The following ADNP variants were observed in gnomAD, a reference collection of about 807,000 sequenced individuals.
ADNP encodes the protein activity-dependent neuroprotector homeobox protein.
A neutral mutation model predicts 84.9 loss-of-function variants in ADNP; 4 were observed. The ratio of observed to expected loss-of-function variants is 0.05; its 90% CI spans 0.02 to 0.11. The LOEUF is 0.11. Among genes scored for constraint, ADNP ranks in the 10% least tolerant of loss-of-function variants. The pLI, the probability that ADNP is intolerant of heterozygous loss-of-function variation, is 1.00. For missense variants in ADNP, 1,132 were observed against 1,326.0 expected, an observed-to-expected ratio of 0.85 and a Z score of 2.27; for synonymous variants, 554 against 468.1, an observed-to-expected ratio of 1.18 and a Z score of -2.37.
intron 5 of ADNP, among the ~76,000 whole-genome samples, chr20:50,900,605 CT>C (rs1399978070): frequency 2.0e-5 from 3 of 152,216 alleles, no homozygotes; most frequent in African/African-American, 7.2e-5. Context: ...TATGGGACCA[CT>C]GTCGTAGATG....
rs1361461233 is a variant in ADNP at position 50,892,605 on chromosome 20, G to C, written c.2109C>G (p.Pro703=). The C allele has an allele frequency of 1.9e-6, 3 of 1,614,108 alleles. No homozygotes were observed. Among genetic ancestry groups the C allele is most frequent in the Non-Finnish European group, 2.5e-6 (3 of 1,180,058 alleles). ...GACTTGGAGACTGATTAAGCCGAGA[G>C]GGTGCATTTGTCTTATCCTGGCCAT... ...TQNGQDKTNA[P]SRLNQSPSLA... is the part of the protein sequence containing the mutation. The change falls in exon 6 of 6, where the codon CCC becomes CCG. Residue 703 remains proline (P), a synonymous_variant. Transcript: ENST00000621696.
intron 4 of ADNP, 134 bp downstream of exon 4, chr20:50,903,755 G>A: frequency 3.0e-6 from 2 of 665,354 alleles, no homozygotes; most frequent in South Asian, 2.0e-5. Flanking sequence ...ATGCTATTGA[G>A]AATGTTTTCG....
Position 50,894,320 on chromosome 20 carries a change from T to C in ADNP, c.394A>G (p.Asn132Asp). The C allele has an allele frequency of 6.2e-7, 1 of 1,613,782 alleles. No homozygotes were observed. The highest frequency in any genetic ancestry group is 8.5e-7 in the Non-Finnish European group (1 of 1,179,938). Reference sequence around the variant, plus strand: ...AGGCTGCTACTTGGTGCGCTGGCGTTCGGAGCATGAAATATTTTAATGTGT... The same window carrying C: ...AGGCTGCTACTTGGTGCGCTGGCGTCCGGAGCATGAAATATTTTAATGTGT... ...ETHIKIFHAPNASAPSSSLST... is the reference protein window; with the variant it reads ...ETHIKIFHAPDASAPSSSLST... The change falls in exon 6 of 6, where the codon AAC becomes GAC. Residue 132 changes from asparagine to aspartate, a missense_variant. This residue lies in a region of ADNP where 130 missense variants were observed against 183.7 expected (regional missense o/e 0.71). Coordinates refer to ENST00000621696, the MANE Select transcript of ADNP (RefSeq NM_001282531.3).
intron 2 of ADNP, among the ~76,000 whole-genome samples, chr20:50,924,427 T>C (rs1413070713): frequency 1.3e-5 from 2 of 152,150 alleles, no homozygotes; most frequent in African/African-American, 4.8e-5. Context: ...GAAGCATTCA[T>C]GTGAGCCCCC....
chr20:50,911,322 A>G (rs2061095763), intron 2 of ADNP, among the ~76,000 whole-genome samples: 2 of 152,068 alleles, frequency 1.3e-5, no homozygotes, highest in South Asian at 4.1e-4. Context: ...AGGTTTCCCT[A>G]GTTTCAGGTC....
At chr20:50,924,408 G>A (rs1201038505) in intron 2 of ADNP, among the ~76,000 whole-genome samples, 1 of 152,172 alleles carries the variant, frequency 6.6e-6, no homozygotes, top group Non-Finnish European at 1.5e-5. Context: ...AAACCTCACT[G>A]TGAAATGGGA....
chr20:50,917,090 T>G (rs774367673), intron 2 of ADNP, among the ~76,000 whole-genome samples: 22 of 152,224 alleles, frequency 1.4e-4, no homozygotes, highest in Admixed American at 5.9e-4. Context: ...AGCTGGGTCT[T>G]GAAGCCACCC....
chr20:50,920,636 G>C (rs1193731671), intron 2 of ADNP, among the ~76,000 whole-genome samples: 1 of 151,732 alleles, frequency 6.6e-6, no homozygotes, highest in Non-Finnish European at 1.5e-5. Context: ...AATTACCTGA[G>C]GGACCTTACA....
chr20:50,925,804 C>CA (rs1023185210), intron 2 of ADNP, among the ~76,000 whole-genome samples: 1 of 152,166 alleles, frequency 6.6e-6, no homozygotes, highest in Non-Finnish European at 1.5e-5. Context: ...CAAGCTCTTA[C>CA]AAAACTAGGA....
chr20:50,928,411 G>C (rs1314605634), intron 2 of ADNP, among the ~76,000 whole-genome samples: 2 of 152,210 alleles, frequency 1.3e-5, no homozygotes, highest in African/African-American at 4.8e-5. Flanking sequence ...ACAAAGGGGT[G>C]TAGAATGCAA....
chr20:50,891,006 T>C lies in ADNP; in HGVS notation c.*399A>G. 1 of 1,007,078 alleles carries C rather than the reference T, an allele frequency of 9.9e-7. No individual in the cohort carries two copies. Among genetic ancestry groups the C allele is most frequent in the Non-Finnish European group, 1.2e-6 (1 of 844,866 alleles). The allele number at this position is 1,007,078 out of a possible 1,614,324, so 62.4% of individuals were successfully genotyped here. ...AAAAAAAATCGCTTTTCCCAAAGTC[T>C]ACTATACACATTAGACTGGTAGCTT... On this transcript the variant is annotated 3_prime_UTR_variant, in exon 6 of 6. Coordinates refer to ENST00000621696, the MANE Select transcript of ADNP (RefSeq NM_001282531.3).
chr20:50,893,168 A>G lies in ADNP; in HGVS notation c.1546T>C (p.Tyr516His). Residue 516 changes from tyrosine (Y) to histidine (H), a missense_variant, in exon 6 of 6, where the codon TAT becomes CAT. Coordinates refer to ENST00000621696, the MANE Select transcript of ADNP (RefSeq NM_001282531.3). This position sits in a 1 kb window ranked among gnomAD's most constrained non-coding sequence, Gnocchi z 4.4. ...HMLIHGLSCP[Y>H]CRSTFNDVEK... ...ACATCATTGAAAGTTGAACGGCAAT[A>G]TGGACAAGACAGACCATGAATTAAC... The G allele has an allele frequency of 6.2e-7, 1 of 1,614,278 alleles. No individual in the cohort carries two copies. Among genetic ancestry groups the G allele is most frequent in the Non-Finnish European group, 8.5e-7 (1 of 1,180,044 alleles).
intron 2 of ADNP, among the ~76,000 whole-genome samples, chr20:50,926,989 A>G (rs576425623): frequency 2.5e-4 from 38 of 152,286 alleles, no homozygotes; most frequent in African/African-American, 8.9e-4. Flanking sequence ...CAAAACGTGT[A>G]AGTAGTTACA....
intron 2 of ADNP, among the ~76,000 whole-genome samples, chr20:50,920,294 A>G (rs1226121894): frequency 6.7e-6 from 1 of 149,812 alleles, no homozygotes; most frequent in African/African-American, 2.5e-5. Flanking sequence ...AGAAAGAAAG[A>G]AAGAAAAAGA....
intron 2 of ADNP, among the ~76,000 whole-genome samples, chr20:50,909,312 G>A (rs1385738914): frequency 5.7e-5 from 7 of 123,310 alleles, no homozygotes; most frequent in Admixed American, 4.4e-4. Flanking sequence ...GTGGTGAGCC[G>A]AAATTGCACC....
chr20:50,901,936 G>A, intron 5 of ADNP, 81 bp downstream of exon 5: 2 of 1,049,638 alleles, frequency 1.9e-6, no homozygotes. Flanking sequence ...CGCAATCACT[G>A]CACCGCTATA....
intron 2 of ADNP, among the ~76,000 whole-genome samples, chr20:50,920,553 T>G (rs1983889475): frequency 6.9e-6 from 1 of 144,400 alleles, no homozygotes; most frequent in South Asian, 2.2e-4. Context: ...CTGGACTCCA[T>G]TAAAAAAAAA....
At chr20:50,913,249 T>C in intron 2 of ADNP, among the ~76,000 whole-genome samples, 1 of 10,334 alleles carries the variant, frequency 9.7e-5, no homozygotes, top group African/African-American at 2.2e-4. Context: ...AGACTCTGTC[T>C]CAAAAAAAAA....
intron 2 of ADNP, among the ~76,000 whole-genome samples, chr20:50,917,392 C>CTTAT (rs1246355097): frequency 6.6e-6 from 1 of 152,220 alleles, no homozygotes; most frequent in African/African-American, 2.4e-5. Context: ...CTTACCATCA[C>CTTAT]CATGGAGGCC....
Sources: allele counts gnomAD v4.1 joint callset (sites outside exome capture counted in the v4.1 genomes callset), GRCh38; gene constraint gnomAD v4.1.1; regional missense constraint gnomAD v4.1.1; non-coding constraint Gnocchi (gnomAD v3.1); transcripts MANE v1.5; gene names NCBI Gene and HGNC (gene_info 2026-07-23, HGNC 2026-07-21).